The following MKLN1 variants were observed in gnomAD, a reference collection of about 807,000 sequenced individuals.
MKLN1 encodes the protein muskelin 1, also known as muskelin.
In MKLN1, 18 loss-of-function variants were observed where a neutral mutation model predicts 99.0. That is an observed-to-expected ratio of 0.18 (90% CI 0.13 to 0.27). The LOEUF (loss-of-function observed/expected upper bound fraction) is 0.27. Among genes scored for constraint, MKLN1 ranks in the 10% least tolerant of loss-of-function variants. MKLN1 has a pLI of 1.00. For synonymous variants in MKLN1, 288 were observed against 293.2 expected (o/e 0.98, Z 0.18); for missense variants, 621 against 875.9 (o/e 0.71, Z 3.67).
intron 3 of MKLN1, among the ~76,000 whole-genome samples, chr7:131,292,463 G>A (rs1362663532): frequency 1.3e-5 from 2 of 152,148 alleles, no homozygotes; most frequent in Admixed American, 1.3e-4. Flanking sequence ...CCCAGAATGT[G>A]CCCTTATTTG....
chr7:131,280,581 G>A (rs533395891), intron 3 of MKLN1, among the ~76,000 whole-genome samples: 1 of 151,910 alleles, frequency 6.6e-6, no homozygotes, highest in Non-Finnish European at 1.5e-5. Flanking sequence ...GTGCATAATG[G>A]CCATTGGTAT....
intron 3 of MKLN1, among the ~76,000 whole-genome samples, chr7:131,287,958 G>T (rs1279120865): frequency 6.6e-6 from 1 of 152,102 alleles, no homozygotes; most frequent in Non-Finnish European, 1.5e-5. Context: ...CTTCTGCCAT[G>T]ATTGTAAGTT....
chr7:131,294,643 G>C (rs574143342), intron 3 of MKLN1, among the ~76,000 whole-genome samples: 1 of 152,140 alleles, frequency 6.6e-6, no homozygotes, highest in Non-Finnish European at 1.5e-5. Context: ...CTGAGGAAGG[G>C]GGCTTCTCTC....
At chr7:131,327,772 G>A, upstream of MKLN1, 2 of 1,430,922 alleles carry the variant, frequency 1.4e-6, no homozygotes, top group South Asian at 1.5e-5. Flanking sequence ...CTGGGCTCGG[G>A]TAACGATGCG....
intron 12 of MKLN1, among the ~76,000 whole-genome samples, chr7:131,451,892 G>C (rs1275381549): frequency 6.6e-6 from 1 of 152,182 alleles, no homozygotes; most frequent in Non-Finnish European, 1.5e-5. Context: ...TAGAAACTCA[G>C]TCTACTATAG....
At chr7:131,430,533 G>GTTAA (rs1348746572) in intron 9 of MKLN1, among the ~76,000 whole-genome samples, 2 of 151,940 alleles carry the variant, frequency 1.3e-5, no homozygotes, top group African/African-American at 2.4e-5. Context: ...TTATTCTTGT[G>GTTAA]TTAAGCCTAG....
chr7:131,333,263 T>TG (rs1799132622), intron 1 of MKLN1, among the ~76,000 whole-genome samples: 1 of 151,174 alleles, frequency 6.6e-6, no homozygotes, highest in South Asian at 2.1e-4. Context: ...TTTGTAGAGA[T>TG]GGGGTCCCAC....
chr7:131,390,428 A>G (rs1434012015), intron 4 of MKLN1, among the ~76,000 whole-genome samples: 4 of 152,132 alleles, frequency 2.6e-5, no homozygotes, highest in Non-Finnish European at 5.9e-5. Context: ...TTTATGTTGC[A>G]AGTATACAAG....
intron 3 of MKLN1, among the ~76,000 whole-genome samples, chr7:131,296,172 T>C (rs958742822): frequency 2.0e-5 from 3 of 152,312 alleles, no homozygotes; most frequent in African/African-American, 7.2e-5. Flanking sequence ...CAGAGAGTCA[T>C]ACAAGTCCCC....
At chr7:131,229,319 C>CT (rs1231034051) in intron 3 of MKLN1, among the ~76,000 whole-genome samples, 28 of 152,012 alleles carry the variant, frequency 1.8e-4, no homozygotes, top group African/African-American at 6.8e-4. Context: ...TCTAGCCCCC[C>CT]ACCTGCCCAC....
chr7:131,352,732 G>A (rs912251699), intron 1 of MKLN1, among the ~76,000 whole-genome samples: 3 of 152,056 alleles, frequency 2.0e-5, no homozygotes, highest in Non-Finnish European at 4.4e-5. Flanking sequence ...TGTGTCCTAA[G>A]GTCAGTTGGA....
intron 1 of MKLN1, 169 bp downstream of exon 1, chr7:131,328,166 G>T (rs2305327): frequency 7.3e-6 from 6 of 827,566 alleles, no homozygotes; most frequent in Non-Finnish European, 9.2e-6. Context: ...GCTCGGCCTC[G>T]CTCGGGAAGG....
chr7:131,254,495 G>A (rs1207646142), intron 3 of MKLN1, among the ~76,000 whole-genome samples: 2 of 152,052 alleles, frequency 1.3e-5, no homozygotes, highest in Non-Finnish European at 2.9e-5. Flanking sequence ...TGACTTTAAA[G>A]CACTTATATG....
intron 7 of MKLN1, among the ~76,000 whole-genome samples, chr7:131,413,743 T>C (rs1425323917): frequency 6.6e-6 from 1 of 152,146 alleles, no homozygotes; most frequent in Non-Finnish European, 1.5e-5. Context: ...TTCACCATAT[T>C]GGCTAGGCTG....
intron 2 of MKLN1, among the ~76,000 whole-genome samples, chr7:131,185,450 G>A (rs1201402788): frequency 3.3e-5 from 5 of 151,280 alleles, no homozygotes; most frequent in Admixed American, 2.0e-4. Flanking sequence ...AGCCAGACAC[G>A]GTGGCACATG....
At chr7:131,319,509 A>T (rs1798732650) in intron 3 of MKLN1, among the ~76,000 whole-genome samples, 1 of 152,226 alleles carries the variant, frequency 6.6e-6, no homozygotes, top group Non-Finnish European at 1.5e-5. Context: ...CAAAAGCTGG[A>T]GGCATTCCCT....
intron 2 of MKLN1, among the ~76,000 whole-genome samples, chr7:131,375,794 A>G (rs1311003641): frequency 6.6e-6 from 1 of 151,606 alleles, no homozygotes; most frequent in African/African-American, 2.4e-5. Flanking sequence ...TGACTCAATG[A>G]CTATCTTATG....
chr7:131,283,338 CCCTTCCCCTCCTT>C (rs775482564), intron 3 of MKLN1, among the ~76,000 whole-genome samples: 4,657 of 57,760 alleles, frequency 0.081, 312 homozygotes, highest in African/African-American at 0.17. Context: ...TCCTTCCCTT[CCCTTCCCCTCCTT>C]CCTTCCTTCC....
intron 2 of MKLN1, among the ~76,000 whole-genome samples, chr7:131,149,837 A>T (rs1417135942): frequency 6.6e-6 from 1 of 152,210 alleles, no homozygotes; most frequent in Non-Finnish European, 1.5e-5. Flanking sequence ...TATGTCAAGA[A>T]TCAACTTTCT....
Sources: gnomAD v4.1 joint callset for allele counts (sites outside exome capture counted in the v4.1 genomes callset) on GRCh38, gnomAD v4.1.1 for gene constraint, MANE v1.5 for transcripts, NCBI Gene and HGNC (gene_info 2026-07-23, HGNC 2026-07-21) for gene names.